The following MRAP2 variants were observed in gnomAD, a reference collection of about 807,000 sequenced individuals.
MRAP2 encodes melanocortin-2 receptor accessory protein 2.
A neutral mutation model predicts 17.4 loss-of-function variants in MRAP2; 20 were observed. The ratio of observed to expected loss-of-function variants is 1.15; its 90% CI spans 0.81 to 1.67. The LOEUF is 1.67. Ranked by LOEUF, MRAP2 falls within the 40% of genes most tolerant of loss-of-function variation. The pLI is 0.00. For synonymous variants in MRAP2, 96 were observed against 88.4 expected (o/e 1.09, Z -0.48); for missense variants, 238 against 240.0 (o/e 0.99, Z 0.05).
chr6:84,123,876 C>T, the MRAP2 span, among the ~76,000 whole-genome samples: 9 of 151,834 alleles, frequency 5.9e-5, no homozygotes, highest in African/African-American at 2.2e-4. Context: ...TAAGAAAAAC[C>T]CCAAACAATC....
At chr6:84,052,705 G>A in intron 1 of MRAP2, 1 of 489,630 alleles carries the variant, frequency 2.0e-6, no homozygotes, top group Non-Finnish European at 2.7e-6. Flanking sequence ...TTTGTTTGAA[G>A]GCTACCCAGG....
At chr6:84,071,796 T>A (rs2099496254) in intron 3 of MRAP2, among the ~76,000 whole-genome samples, 1 of 152,124 alleles carries the variant, frequency 6.6e-6, no homozygotes, top group Non-Finnish European at 1.5e-5. Context: ...TTTTTCAATG[T>A]GTTGGATTGG....
chr6:84,066,986 C>T (rs1685460640), intron 3 of MRAP2, among the ~76,000 whole-genome samples: 1 of 152,048 alleles, frequency 6.6e-6, no homozygotes, highest in Admixed American at 6.5e-5. Context: ...CACCCATCAC[C>T]CGAGCAGTAT....
chr6:84,135,058 C>T, the MRAP2 span, among the ~76,000 whole-genome samples: 1 of 151,432 alleles, frequency 6.6e-6, no homozygotes, highest in Non-Finnish European at 1.5e-5. Flanking sequence ...AGAACCATAT[C>T]CACAATATTT....
At chr6:84,094,797 TTCTC>T (rs1249970056), downstream of MRAP2, among the ~76,000 whole-genome samples, 2 of 152,024 alleles carry the variant, frequency 1.3e-5, no homozygotes, top group Non-Finnish European at 2.9e-5. Context: ...GTTCAAACGA[TTCTC>T]CTGCCTCAGC....
At chr6:84,039,201 C>G (rs2099486879) in intron 1 of MRAP2, among the ~76,000 whole-genome samples, 2 of 152,224 alleles carry the variant, frequency 1.3e-5, no homozygotes, top group African/African-American at 4.8e-5. Flanking sequence ...TTACATTAGT[C>G]TGTTGTTCAT....
At chr6:84,122,352 C>CAAAAAAAAAAAAAAA in the MRAP2 span, among the ~76,000 whole-genome samples, 3 of 36,154 alleles carry the variant, frequency 8.3e-5, no homozygotes, top group African/African-American at 2.3e-4. Flanking sequence ...ACAGCACATC[C>CAAAAAAAAAAAAAAA]AAAAAAAAAA....
At chr6:84,088,315 C>T (rs1046286694) in intron 3 of MRAP2, among the ~76,000 whole-genome samples, 4 of 152,166 alleles carry the variant, frequency 2.6e-5, no homozygotes, top group African/African-American at 7.2e-5. Flanking sequence ...CTTTCTTTCA[C>T]GCACTTGTGG....
chr6:84,078,474 T>TG (rs2129172952), intron 3 of MRAP2, among the ~76,000 whole-genome samples: 2 of 152,318 alleles, frequency 1.3e-5, no homozygotes, highest in East Asian at 3.9e-4. Flanking sequence ...TTAACATGAT[T>TG]GACAACACCA....
At chr6:84,033,734 G>A, upstream of MRAP2, 1 of 985,354 alleles carries the variant, frequency 1.0e-6, no homozygotes, top group African/African-American at 1.7e-5. Context: ...CTGCGGGTCG[G>A]GAGCGCGCGT....
chr6:84,091,452 G>A (rs1323064437), downstream of MRAP2, among the ~76,000 whole-genome samples: 1 of 151,880 alleles, frequency 6.6e-6, no homozygotes, highest in Non-Finnish European at 1.5e-5. Context: ...GGCTGGTCTC[G>A]AACTCCTGAC....
At chr6:84,046,430 C>G (rs78951536) in intron 1 of MRAP2, among the ~76,000 whole-genome samples, 21,743 of 151,996 alleles carry the variant, frequency 0.14, 1,734 homozygotes, top group Middle Eastern at 0.25. Flanking sequence ...ATTTGTAGTG[C>G]ACTTCTCCTG....
downstream of MRAP2, among the ~76,000 whole-genome samples, chr6:84,092,830 G>A (rs576580982): frequency 2.6e-5 from 4 of 152,192 alleles, no homozygotes; most frequent in South Asian, 2.1e-4. Flanking sequence ...AAGTGGACAC[G>A]TGCAGTTCAA....
chr6:84,137,673 C>T, the MRAP2 span, among the ~76,000 whole-genome samples: 1 of 152,110 alleles, frequency 6.6e-6, no homozygotes, highest in East Asian at 1.9e-4. Flanking sequence ...AGATTCATGT[C>T]TTTTCTCTAC....
At chr6:84,070,691 G>C (rs1053053115) in intron 3 of MRAP2, among the ~76,000 whole-genome samples, 1 of 152,100 alleles carries the variant, frequency 6.6e-6, no homozygotes, top group African/African-American at 2.4e-5. Flanking sequence ...CTCCCTGGAG[G>C]ATTGAAGTCC....
At chr6:84,115,590 G>A in the MRAP2 span, among the ~76,000 whole-genome samples, 44 of 152,176 alleles carry the variant, frequency 2.9e-4, no homozygotes, top group African/African-American at 1.0e-3. Flanking sequence ...GAACGGATCT[G>A]TCTCGCTGGT....
At chr6:84,111,751 A>G in the MRAP2 span, among the ~76,000 whole-genome samples, 1 of 152,136 alleles carries the variant, frequency 6.6e-6, no homozygotes, top group Non-Finnish European at 1.5e-5. Flanking sequence ...TGTCATAGAT[A>G]GCTCTTATTA....
intron 3 of MRAP2, among the ~76,000 whole-genome samples, chr6:84,071,856 G>C (rs1047837569): frequency 6.6e-6 from 1 of 151,992 alleles, no homozygotes; most frequent in Admixed American, 6.6e-5. Context: ...TCTTCTACTT[G>C]TTCAATTCTA....
the MRAP2 span, among the ~76,000 whole-genome samples, chr6:84,140,713 T>C: frequency 3.3e-5 from 5 of 152,124 alleles, no homozygotes; most frequent in East Asian, 9.7e-4. Context: ...TTTATAGAGA[T>C]GATGTCTCGT....
Sources: allele counts gnomAD v4.1 joint callset (sites outside exome capture counted in the v4.1 genomes callset), GRCh38; gene constraint gnomAD v4.1.1; transcripts MANE v1.5; gene names NCBI Gene and HGNC (gene_info 2026-07-23, HGNC 2026-07-21).